The following DAPK2 variants were observed in gnomAD, a reference collection of about 807,000 sequenced individuals.
DAPK2 encodes death associated protein kinase 2, also known as death-associated protein kinase 2.
A neutral mutation model predicts 44.1 loss-of-function variants in DAPK2; 35 were observed. The ratio of observed to expected loss-of-function variants is 0.79; its 90% confidence interval spans 0.61 to 1.05. The LOEUF is 1.05. Ranked by LOEUF, DAPK2 falls within the 50% of genes least tolerant of loss-of-function variation. The pLI, the probability that DAPK2 is intolerant of heterozygous loss-of-function variation, is 0.00. For synonymous variants in DAPK2, 174 were observed against 182.6 expected, an observed-to-expected ratio of 0.95 and a Z score of 0.38; for missense variants, 453 against 483.2, an observed-to-expected ratio of 0.94 and a Z score of 0.59.
At chr15:63,927,454 T>C (rs534604596) in intron 6 of DAPK2, among the ~76,000 whole-genome samples, 138 of 152,324 alleles carry the variant, frequency 9.1e-4, no homozygotes, top group African/African-American at 2.7e-3. Context: ...ATGTGCTGTC[T>C]CTATTTCTCT....
At chr15:63,929,817 A>ACTTGCAG in intron 5 of DAPK2, 1 of 661,534 alleles carries the variant, frequency 1.5e-6, no homozygotes, top group Non-Finnish European at 2.8e-6. Context: ...AGACTCCTGC[A>ACTTGCAG]CTTGCAGGCT....
chr15:63,934,797 G>A (rs1319468416), intron 4 of DAPK2, among the ~76,000 whole-genome samples: 1 of 152,106 alleles, frequency 6.6e-6, no homozygotes, highest in Non-Finnish European at 1.5e-5. Context: ...GGCCTCAAGT[G>A]ATCTAACCGT....
chr15:64,005,697 C>T (rs2079207424), intron 1 of DAPK2, among the ~76,000 whole-genome samples: 1 of 152,176 alleles, frequency 6.6e-6, no homozygotes, highest in South Asian at 2.1e-4. Context: ...AACACAAAGA[C>T]TAGATCTGGG....
intron 3 of DAPK2, among the ~76,000 whole-genome samples, chr15:63,961,478 T>G (rs946299321): frequency 6.6e-6 from 1 of 152,258 alleles, no homozygotes; most frequent in Non-Finnish European, 1.5e-5. Context: ...CAGTGGCTGG[T>G]ACCAGTTGTT....
chr15:63,924,904 A>G, intron 7 of DAPK2, 43 bp from the exon 9 acceptor site: 1 of 1,608,784 alleles, frequency 6.2e-7, no homozygotes, highest in Non-Finnish European at 8.5e-7. Context: ...ATGAGGACAG[A>G]AGTTGGGAGC....
At position 63,924,874 on chromosome 15, in the gene DAPK2, T is replaced by C. The variant is rs2079195123; in HGVS notation, c.813-13A>G. 4 of 1,613,852 alleles carry C rather than the reference T, an allele frequency of 2.5e-6. No homozygotes were observed. The highest frequency in any genetic ancestry group is 3.3e-5 in the Admixed American group (2 of 59,984). ...TGTGAGCCGTTTCCTGCAATGAGGA[T>C]TGGGAAACAGTGATGATCCATGAGG... On this transcript the variant is annotated splice_polypyrimidine_tract_variant and intron_variant, in intron 7 of 10. Coordinates refer to ENST00000261891, the Ensembl canonical transcript of DAPK2.
intron 3 of DAPK2, among the ~76,000 whole-genome samples, chr15:63,943,297 A>G (rs2077365070): frequency 2.6e-5 from 4 of 152,012 alleles, no homozygotes. Flanking sequence ...GCATGGTGGC[A>G]CACACTTGTA....
At chr15:63,928,767 G>A (rs2079399858) in intron 6 of DAPK2, among the ~76,000 whole-genome samples, 1 of 152,126 alleles carries the variant, frequency 6.6e-6, no homozygotes, top group African/African-American at 2.4e-5. Flanking sequence ...AAGCAACTGA[G>A]TACTTCAGGG....
At chr15:64,033,270 A>AC (rs2080072678) in intron 1 of DAPK2, among the ~76,000 whole-genome samples, 1 of 20,748 alleles carries the variant, frequency 4.8e-5, no homozygotes, top group African/African-American at 1.6e-4. Flanking sequence ...GGGGAGGGGG[A>AC]GGGGGAAGGG....
chr15:64,036,740 G>A (rs934581024), intron 1 of DAPK2, among the ~76,000 whole-genome samples: 1 of 149,504 alleles, frequency 6.7e-6, no homozygotes, highest in Non-Finnish European at 1.5e-5. Flanking sequence ...AGGGCCCTGA[G>A]TCTACACTAG....
rs775234046 is a variant in DAPK2 at position 63,939,220 on chromosome 15, C to A, written c.583+12G>T. On this transcript the variant is annotated intron_variant, in intron 4 of 10. Coordinates refer to ENST00000261891, the Ensembl canonical transcript of DAPK2. The surrounding 1 kb of genome is among the most constrained non-coding windows in gnomAD (Gnocchi z 4.3). ...GATTCTTAGCTGAAAGACAAACAGG[C>A]CTACAACTCACCAACAAATTCCGGC... The A allele has an allele frequency of 1.9e-6, 3 of 1,613,516 alleles. No homozygotes were observed. Among genetic ancestry groups the A allele is most frequent in the East Asian group, 4.5e-5 (2 of 44,886 alleles).
chr15:64,034,688 C>T (rs1433162801), intron 1 of DAPK2, among the ~76,000 whole-genome samples: 1 of 152,098 alleles, frequency 6.6e-6, no homozygotes, highest in Admixed American at 6.5e-5. Flanking sequence ...GCACGGTAGT[C>T]GGTAGTCGAG....
chr15:64,019,783 G>A (rs143208955), intron 1 of DAPK2, among the ~76,000 whole-genome samples: 21 of 152,278 alleles, frequency 1.4e-4, no homozygotes, highest in East Asian at 3.9e-4. Context: ...AATTGCCCAT[G>A]GAATGCTTCC....
At chr15:63,967,553 TGGTGG>T (rs2078089499) in intron 3 of DAPK2, among the ~76,000 whole-genome samples, 5 of 152,100 alleles carry the variant, frequency 3.3e-5, no homozygotes, top group African/African-American at 4.8e-5. Context: ...TAGCTGGGCG[TGGTGG>T]CAGGCACCTG....
chr15:64,036,339 A>ATATATATATATATATG (rs2080207120), intron 1 of DAPK2, among the ~76,000 whole-genome samples: 1 of 112,202 alleles, frequency 8.9e-6, no homozygotes, highest in Non-Finnish European at 1.9e-5. Flanking sequence ...ATATATATAC[A>ATATATATATATATATG]TATATATATA....
intron 1 of DAPK2, among the ~76,000 whole-genome samples, chr15:63,999,855 T>C (rs951790194): frequency 6.6e-6 from 1 of 151,996 alleles, no homozygotes; most frequent in African/African-American, 2.4e-5. Context: ...AGCCTCAAAC[T>C]CCTCGGCTGA....
intron 2 of DAPK2, among the ~76,000 whole-genome samples, chr15:63,978,449 C>T (rs1288769680): frequency 6.6e-6 from 1 of 152,180 alleles, no homozygotes; most frequent in African/African-American, 2.4e-5. Flanking sequence ...CTTTGGGGTG[C>T]AGTAATCAGT....
chr15:63,927,305 C>T (rs2079319422), intron 6 of DAPK2, among the ~76,000 whole-genome samples: 1 of 152,202 alleles, frequency 6.6e-6, no homozygotes, highest in African/African-American at 2.4e-5. Flanking sequence ...CCTTACCCCA[C>T]GCTTGGTACA....
upstream of DAPK2, among the ~76,000 whole-genome samples, chr15:64,040,464 C>T (rs1017822757): frequency 2.3e-4 from 35 of 152,038 alleles, no homozygotes; most frequent in African/African-American, 7.7e-4. Context: ...TTGATTTATA[C>T]GAATTCAAAT....
Sources: allele counts gnomAD v4.1 joint callset (sites outside exome capture counted in the v4.1 genomes callset), GRCh38; gene constraint gnomAD v4.1.1; non-coding constraint Gnocchi (gnomAD v3.1); transcripts MANE v1.5; gene names NCBI Gene and HGNC (gene_info 2026-07-23, HGNC 2026-07-21).